The following RBFOX1 variants were observed in gnomAD, a reference collection of about 807,000 sequenced individuals.
RBFOX1 encodes the protein RNA binding protein fox-1 homolog 1.
A neutral mutation model predicts 57.7 loss-of-function variants in RBFOX1; 8 were observed. The ratio of observed to expected loss-of-function variants is 0.14; its 90% CI spans 0.08 to 0.25. RBFOX1 has a LOEUF of 0.25. Among genes scored for constraint, RBFOX1 ranks in the 10% least tolerant of loss-of-function variants. The pLI is 1.00. For synonymous variants in RBFOX1, 326 were observed against 222.4 expected (o/e 1.47, Z -4.15); for missense variants, 611 against 548.5 (o/e 1.11, Z -1.14).
intron 4 of RBFOX1, among the ~76,000 whole-genome samples, chr16:7,455,716 G>A (rs1365958926): frequency 6.7e-6 from 1 of 150,110 alleles, no homozygotes; most frequent in East Asian, 2.0e-4. Flanking sequence ...GACCTCAGGA[G>A]GTAGAGGTTG....
chr16:6,681,351 C>A (rs561315308), intron 3 of RBFOX1, among the ~76,000 whole-genome samples: 34 of 152,228 alleles, frequency 2.2e-4, no homozygotes, highest in Admixed American at 2.0e-3. Context: ...TTGATCGCAT[C>A]TTGGTTAAGT....
At chr16:6,600,718 C>G (rs911723524) in intron 2 of RBFOX1, among the ~76,000 whole-genome samples, 3 of 152,010 alleles carry the variant, frequency 2.0e-5, no homozygotes, top group Admixed American at 6.5e-5. Flanking sequence ...GAAACAGCCC[C>G]GTTATGAAAC....
chr16:5,345,577 C>T (rs971373832), intron 1 of RBFOX1, among the ~76,000 whole-genome samples: 1 of 152,186 alleles, frequency 6.6e-6, no homozygotes, highest in African/African-American at 2.4e-5. Flanking sequence ...GATTTCTGTT[C>T]ATGTGAAACA....
chr16:7,494,953 T>C (rs1379613687), intron 4 of RBFOX1, among the ~76,000 whole-genome samples: 1 of 150,610 alleles, frequency 6.6e-6, no homozygotes, highest in East Asian at 2.0e-4. Flanking sequence ...AGCCAACAGG[T>C]AGTTTTTTAC....
Position 7,035,587 on chromosome 16 carries a change from C to T in RBFOX1, c.-15-16470C>T, listed in dbSNP as rs547814756. Among the ~76,000 whole-genome samples the T allele has an allele frequency of 1.2e-3, 190 of 152,054 alleles. 1 individual carries two copies. Among genetic ancestry groups the T allele is most frequent in the Admixed American group, 2.0e-3 (30 of 15,254 alleles). On this transcript the variant is annotated intron_variant, in intron 3 of 15. Coordinates refer to ENST00000550418, the MANE Select transcript of RBFOX1 (RefSeq NM_018723.4). ...TTTTCTTTCTGAAGGTAAAGCTCTG[C>T]GTTGTTGGTTTATTATTATTATTAT... is the stretch of plus-strand genomic sequence containing the variant.
At chr16:6,664,523 C>G (rs1460474929) in intron 3 of RBFOX1, among the ~76,000 whole-genome samples, 2 of 152,150 alleles carry the variant, frequency 1.3e-5, no homozygotes, top group African/African-American at 4.8e-5. Flanking sequence ...ATACATATAC[C>G]ACAAGTAGAT....
At chr16:5,962,149 T>C (rs2059762717) in intron 4 of RBFOX1, among the ~76,000 whole-genome samples, 2 of 152,316 alleles carry the variant, frequency 1.3e-5, no homozygotes, top group South Asian at 4.1e-4. Context: ...TTTAAGATTT[T>C]CCAGAGATCT....
chr16:5,649,229 C>T (rs1303574236), intron 3 of RBFOX1, among the ~76,000 whole-genome samples: 1 of 151,836 alleles, frequency 6.6e-6, no homozygotes, highest in African/African-American at 2.4e-5. Flanking sequence ...GGTTGGAGTG[C>T]ACAATTTTGG....
At chr16:6,073,737 C>A (rs2095863054) in intron 1 of RBFOX1, among the ~76,000 whole-genome samples, 2 of 152,074 alleles carry the variant, frequency 1.3e-5, no homozygotes, top group South Asian at 4.1e-4. Context: ...TTCCTCCCAA[C>A]TAATTATTTT....
Position 6,323,324 on chromosome 16 carries a change from A to G in RBFOX1, c.-64+6267A>G, listed in dbSNP as rs917831903. 3.3e-5 allele frequency among the ~76,000 whole-genome samples: 5 copies of G among 152,108 alleles called. No homozygotes were observed. In the South Asian group the frequency reaches 8.3e-4, roughly 25 times the overall value. ...CTTCTTCATCATCTTACCCAGTTAA[A>G]ATCTGCCATGGTGCTTATGATGCTC... On this transcript the variant is annotated intron_variant, in intron 2 of 15. Transcript: ENST00000550418.
At chr16:5,638,458 C>A (rs562577891) in intron 3 of RBFOX1, among the ~76,000 whole-genome samples, 4 of 152,218 alleles carry the variant, frequency 2.6e-5, no homozygotes, top group South Asian at 2.1e-4. Flanking sequence ...TTTCTAGGGG[C>A]CTCCATTGCC....
At chr16:6,663,776 A>T (rs8053669) in intron 3 of RBFOX1, among the ~76,000 whole-genome samples, 1 of 151,994 alleles carries the variant, frequency 6.6e-6, no homozygotes, top group Non-Finnish European at 1.5e-5. Flanking sequence ...CATCCCTGAG[A>T]AAGGGTATTT....
chr16:6,041,567 T>C (rs1219320072), intron 1 of RBFOX1, among the ~76,000 whole-genome samples: 1 of 152,144 alleles, frequency 6.6e-6, no homozygotes, highest in African/African-American at 2.4e-5. Flanking sequence ...CTCATCCGTA[T>C]GTGACTCCCT....
chr16:5,290,732 CT>C (rs2063513568), intron 1 of RBFOX1, among the ~76,000 whole-genome samples: 1 of 149,768 alleles, frequency 6.7e-6, no homozygotes, highest in African/African-American at 2.5e-5. Context: ...GAGTTTAGCT[CT>C]TGACGCCTAG....
At position 7,328,338 on chromosome 16, in the gene RBFOX1, G is replaced by A. The variant is rs191046280; in HGVS notation, c.28-189809G>A. On this transcript the variant is annotated intron_variant, in intron 4 of 15. Transcript: ENST00000550418. ...CTACTAAAAATACAAAAATTAGGCAGGTGTGGTGGCGGATCCCTGTAATCC... is the reference window on the plus strand; with the variant it reads ...CTACTAAAAATACAAAAATTAGGCAAGTGTGGTGGCGGATCCCTGTAATCC... 4.0e-3 allele frequency among the ~76,000 whole-genome samples: 610 copies of A among 152,052 alleles called. 4 individuals are homozygous for A. The highest frequency in any genetic ancestry group is 3.1e-3 in the Non-Finnish European group (211 of 67,970).
At position 6,987,419 on chromosome 16, in the gene RBFOX1, C is replaced by G. The variant is rs920660373; in HGVS notation, c.-15-64638C>G. ...CAGGCCCAGGTTATCTCCCGAGCCA[C>G]TAGGCTTATCTCAGGACAGCAACAG... is the stretch of plus-strand genomic sequence containing the variant. On this transcript the variant is annotated intron_variant, in intron 3 of 15. Transcript: ENST00000550418. Among the ~76,000 whole-genome samples, 20 of 151,152 alleles carry G rather than the reference C, an allele frequency of 1.3e-4. No individual in the cohort carries two copies. In the East Asian group the frequency reaches 3.7e-3, roughly 28 times the overall value.
intron 4 of RBFOX1, among the ~76,000 whole-genome samples, chr16:7,208,756 G>A (rs563536811): frequency 7.5e-4 from 114 of 152,270 alleles, no homozygotes; most frequent in African/African-American, 2.4e-3. Flanking sequence ...AAGATTATTT[G>A]AGTCCAGGTA....
intron 1 of RBFOX1, among the ~76,000 whole-genome samples, chr16:5,258,133 C>T (rs1261893919): frequency 6.6e-6 from 1 of 152,156 alleles, no homozygotes; most frequent in African/African-American, 2.4e-5. Flanking sequence ...CCATCCACCT[C>T]GGCCTCCTAA....
At chr16:5,706,684 C>T (rs367774645) in intron 3 of RBFOX1, among the ~76,000 whole-genome samples, 1 of 152,082 alleles carries the variant, frequency 6.6e-6, no homozygotes, top group African/African-American at 2.4e-5. Flanking sequence ...TTATGTCTTT[C>T]CTAAAGCACT....
Sources: allele counts gnomAD v4.1 joint callset (sites outside exome capture counted in the v4.1 genomes callset), GRCh38; gene constraint gnomAD v4.1.1; transcripts MANE v1.5; gene names NCBI Gene and HGNC (gene_info 2026-07-23, HGNC 2026-07-21).